The following AKAP19 variants were observed in gnomAD, a reference collection of about 807,000 sequenced individuals.
AKAP19 encodes A-kinase anchoring protein 19.
the AKAP19 span, among the ~76,000 whole-genome samples, chr2:189,927,799 T>C: frequency 6.6e-6 from 1 of 152,194 alleles, no homozygotes; most frequent in South Asian, 2.1e-4. Flanking sequence ...CCACTAGCCA[T>C]ATGTGGCTAT....
chr2:190,019,040 A>C, the AKAP19 span, among the ~76,000 whole-genome samples: 25 of 152,316 alleles, frequency 1.6e-4, no homozygotes, highest in African/African-American at 5.8e-4. Flanking sequence ...TGCATTCTGC[A>C]GTAAAATAGG....
At chr2:190,014,477 A>G in the AKAP19 span, among the ~76,000 whole-genome samples, 1 of 152,140 alleles carries the variant, frequency 6.6e-6, no homozygotes, top group African/African-American at 2.4e-5. Context: ...GTCACCTCCC[A>G]CCATGTCCCT....
At chr2:189,993,920 G>T in the AKAP19 span, among the ~76,000 whole-genome samples, 1 of 151,436 alleles carries the variant, frequency 6.6e-6, no homozygotes, top group Non-Finnish European at 1.5e-5. Context: ...CTTGTTAATG[G>T]TCTATCAATT....
chr2:189,993,470 G>T, the AKAP19 span, among the ~76,000 whole-genome samples: 1 of 151,886 alleles, frequency 6.6e-6, no homozygotes, highest in Non-Finnish European at 1.5e-5. Flanking sequence ...TTCTTTTTTC[G>T]TTATGTCCTT....
chr2:189,974,340 G>A, the AKAP19 span, among the ~76,000 whole-genome samples: 1 of 152,174 alleles, frequency 6.6e-6, no homozygotes, highest in Non-Finnish European at 1.5e-5. Context: ...TGTGATCTGA[G>A]AGACAGTTTG....
chr2:189,899,595 AT>A, the AKAP19 span, among the ~76,000 whole-genome samples: 107,076 of 151,932 alleles, frequency 0.7, 42,501 homozygotes, highest in Non-Finnish European at 0.89. Flanking sequence ...AATAAATTTG[AT>A]TTTTTTTCCT....
the AKAP19 span, among the ~76,000 whole-genome samples, chr2:190,073,502 G>T: frequency 4.6e-5 from 7 of 151,880 alleles, no homozygotes; most frequent in Admixed American, 1.3e-4. Flanking sequence ...ACTGTGGGTC[G>T]CAATCAAAAT....
chr2:190,072,606 A>T, the AKAP19 span, among the ~76,000 whole-genome samples: 2 of 152,218 alleles, frequency 1.3e-5, no homozygotes, highest in African/African-American at 4.8e-5. Context: ...CATTTACTAA[A>T]TTGACAAATA....
chr2:189,890,345 G>A, the AKAP19 span, among the ~76,000 whole-genome samples: 2 of 152,046 alleles, frequency 1.3e-5, no homozygotes, highest in South Asian at 2.1e-4. Flanking sequence ...CTAATTATGC[G>A]GTCAATTTTA....
At chr2:189,956,993 T>C in the AKAP19 span, among the ~76,000 whole-genome samples, 1 of 152,188 alleles carries the variant, frequency 6.6e-6, no homozygotes, top group African/African-American at 2.4e-5. Flanking sequence ...CTGGCCAATA[T>C]GGTAAAACCT....
At chr2:190,090,170 T>C in the AKAP19 span, among the ~76,000 whole-genome samples, 1 of 152,204 alleles carries the variant, frequency 6.6e-6, no homozygotes, top group Non-Finnish European at 1.5e-5. Flanking sequence ...GCTGCTGCCA[T>C]TTCCAATATT....
the AKAP19 span, among the ~76,000 whole-genome samples, chr2:190,070,503 T>A: frequency 6.6e-6 from 1 of 151,832 alleles, no homozygotes; most frequent in South Asian, 2.1e-4. Flanking sequence ...TGGCCCCTGC[T>A]GGGAACTCTA....
At chr2:190,142,303 T>C in the AKAP19 span, among the ~76,000 whole-genome samples, 15 of 152,218 alleles carry the variant, frequency 9.9e-5, no homozygotes, top group Non-Finnish European at 1.6e-4. Context: ...ACACAATGAT[T>C]TTAAGTAAAG....
At chr2:190,016,775 A>T in the AKAP19 span, among the ~76,000 whole-genome samples, 3 of 152,174 alleles carry the variant, frequency 2.0e-5, no homozygotes, top group African/African-American at 7.2e-5. Context: ...GTTGAATAAA[A>T]TGTTCTGTAT....
At chr2:189,936,494 C>T in the AKAP19 span, among the ~76,000 whole-genome samples, 9 of 152,136 alleles carry the variant, frequency 5.9e-5, no homozygotes, top group African/African-American at 1.4e-4. Flanking sequence ...CATGACTATT[C>T]TGCTACTCCA....
At chr2:190,066,377 C>G in the AKAP19 span, among the ~76,000 whole-genome samples, 1 of 151,940 alleles carries the variant, frequency 6.6e-6, no homozygotes. Flanking sequence ...TAAAGACTTG[C>G]CGGAAGTTTA....
At chr2:190,152,028 CAA>C in the AKAP19 span, among the ~76,000 whole-genome samples, 4 of 139,276 alleles carry the variant, frequency 2.9e-5, no homozygotes, top group Non-Finnish European at 6.3e-5. Context: ...AAAAAAAAAA[CAA>C]AGAGAGGTCT....
chr2:190,060,506 T>G, the AKAP19 span: 1 of 1,385,770 alleles, frequency 7.2e-7, no homozygotes, highest in Non-Finnish European at 9.9e-7. Flanking sequence ...ATATTAATAG[T>G]TGAGCATTTT....
the AKAP19 span, among the ~76,000 whole-genome samples, chr2:190,027,955 A>G: frequency 6.6e-6 from 1 of 152,196 alleles, no homozygotes; most frequent in Admixed American, 6.5e-5. Context: ...AAGGCATTAT[A>G]GAATTTTGAA....
Sources: allele counts gnomAD v4.1 joint callset (sites outside exome capture counted in the v4.1 genomes callset), GRCh38; gene constraint gnomAD v4.1.1; transcripts MANE v1.5; gene names NCBI Gene and HGNC (gene_info 2026-07-23, HGNC 2026-07-21).